GLI3: variants seen among roughly 807,000 people sequenced by gnomAD.
The protein encoded by GLI3 is transcription activator GLI3.
In GLI3, 20 loss-of-function variants were observed where a neutral mutation model predicts 100.8. The observed-to-expected ratio is 0.20, with a 90% CI of 0.14 to 0.29. The LOEUF is 0.29. Among genes scored for constraint, GLI3 ranks in the 10% least tolerant of loss-of-function variants. The pLI is 1.00. For missense variants in GLI3, 2,040 were observed against 2,128.5 expected (o/e 0.96, Z 0.82); for synonymous variants, 938 against 860.5 (o/e 1.09, Z -1.58).
intron 4 of GLI3, among the ~76,000 whole-genome samples, chr7:42,050,670 A>G (rs1270001847): frequency 1.3e-5 from 2 of 152,228 alleles, no homozygotes; most frequent in East Asian, 3.8e-4. Flanking sequence ...GTTTCAAGAA[A>G]GCCATGAGAT....
chr7:41,965,811 C>G lies in GLI3; in HGVS notation c.3262G>C (p.Asp1088His). ...ACGTCGTCCGGCAGGAAATCCTCAT[C>G]GTTCAGGTTGGCATCAGCGTCCATG... ...LTMDADANLN[D>H]EDFLPDDVVQ... Residue 1088 changes from aspartate (D) to histidine (H), a missense_variant, in exon 15 of 15, where the codon GAT becomes CAT. Asp to His is a moderately conservative substitution (Grantham distance 81). This residue lies in a region of GLI3 where 1,041 missense variants were observed against 924.0 expected (regional missense o/e 1.13). Transcript: ENST00000395925. The G allele has an allele frequency of 1.2e-6, 2 of 1,613,384 alleles. No individual in the cohort carries two copies. The highest frequency in any genetic ancestry group is 2.2e-5 in the South Asian group (2 of 91,070).
At chr7:41,967,542 A>T (rs1198782523) in intron 14 of GLI3, 54 bp downstream of exon 14, 5 of 1,285,058 alleles carry the variant, frequency 3.9e-6, no homozygotes, top group Non-Finnish European at 5.6e-6. Flanking sequence ...GCCTGCATTT[A>T]AAAGAACAGA....
At chr7:41,989,861 C>G (rs1787933290) in intron 10 of GLI3, among the ~76,000 whole-genome samples, 1 of 151,410 alleles carries the variant, frequency 6.6e-6, no homozygotes, top group South Asian at 2.1e-4. Flanking sequence ...AGTAAGACCT[C>G]ATTTCTAACA....
intron 6 of GLI3, 45 bp downstream of exon 6, chr7:42,045,339 C>T (rs779165705): frequency 1.3e-6 from 2 of 1,566,596 alleles, no homozygotes; most frequent in African/African-American, 1.3e-5. Context: ...CATAAAGTTG[C>T]CTTTGCCATT....
At chr7:42,202,713 G>C (rs1182136470) in intron 2 of GLI3, among the ~76,000 whole-genome samples, 1 of 152,142 alleles carries the variant, frequency 6.6e-6, no homozygotes, top group Admixed American at 6.5e-5. Flanking sequence ...GTGTCCTCCA[G>C]GCCCCCAGGC....
At chr7:42,177,278 G>T (rs974610944) in intron 2 of GLI3, among the ~76,000 whole-genome samples, 13 of 152,160 alleles carry the variant, frequency 8.5e-5, no homozygotes, top group African/African-American at 3.1e-4. Context: ...GAGTGGGGAG[G>T]AGAGACGGAG....
intron 10 of GLI3, among the ~76,000 whole-genome samples, chr7:41,995,716 G>C (rs558724270): frequency 1.3e-5 from 2 of 152,038 alleles, no homozygotes; most frequent in East Asian, 1.9e-4. Flanking sequence ...AGAAGAGAAG[G>C]GGTGCTGTGT....
At chr7:42,038,413 C>T (rs764010334) in intron 7 of GLI3, among the ~76,000 whole-genome samples, 4 of 152,200 alleles carry the variant, frequency 2.6e-5, no homozygotes, top group Non-Finnish European at 5.9e-5. Context: ...TGCATTCTTC[C>T]TGTATAGAGG....
intron 10 of GLI3, among the ~76,000 whole-genome samples, chr7:42,013,978 AACATC>A: frequency 6.6e-6 from 1 of 152,214 alleles, no homozygotes; most frequent in East Asian, 1.9e-4. Context: ...TATCATGCAG[AACATC>A]CACATCAGCT....
chr7:42,181,586 C>A (rs545068264), intron 2 of GLI3, among the ~76,000 whole-genome samples: 2 of 152,042 alleles, frequency 1.3e-5, no homozygotes, highest in Non-Finnish European at 2.9e-5. Flanking sequence ...GCCTGGGTGC[C>A]AAAGCGAGAC....
intron 2 of GLI3, among the ~76,000 whole-genome samples, chr7:42,191,996 A>G (rs1213276610): frequency 6.6e-6 from 1 of 151,894 alleles, no homozygotes; most frequent in Non-Finnish European, 1.5e-5. Flanking sequence ...AAGACATGCG[A>G]CCCATGCAAA....
In GLI3 at chr7:41,965,219, G is replaced by T; in HGVS notation, c.3854C>A (p.Pro1285His). The change falls in exon 15 of 15, where the codon CCC becomes CAC. Residue 1285 changes from proline (P) to histidine (H), a missense_variant. Pro to His is a moderately conservative substitution (Grantham distance 77). This residue lies in a region of GLI3 where 1,041 missense variants were observed against 924.0 expected (regional missense o/e 1.13). Transcript: ENST00000395925. Reference protein sequence around the residue: ...GIQASKLKSTPMQGSGGQLNF... With the variant: ...GIQASKLKSTHMQGSGGQLNF... ...CAGCTGGCCCCCGCTCCCTTGCATG[G>T]GGGTGCTCTTCAGCTTTGAGGCTTG... 1 of 1,613,946 alleles carries T rather than the reference G, an allele frequency of 6.2e-7. No homozygotes were observed. Among genetic ancestry groups the T allele is most frequent in the Non-Finnish European group, 8.5e-7 (1 of 1,180,024 alleles).
At chr7:42,192,888 G>A (rs1216584626) in intron 2 of GLI3, among the ~76,000 whole-genome samples, 2 of 152,064 alleles carry the variant, frequency 1.3e-5, no homozygotes, top group African/African-American at 2.4e-5. Flanking sequence ...CTCTAATTAC[G>A]TGCAAACAGG....
chr7:42,016,721 T>C (rs1788775370), intron 10 of GLI3, among the ~76,000 whole-genome samples: 1 of 152,070 alleles, frequency 6.6e-6, no homozygotes, highest in South Asian at 2.1e-4. Context: ...ATCATCATCA[T>C]CATCACCACC....
chr7:41,986,525 G>T (rs572843036), intron 10 of GLI3, among the ~76,000 whole-genome samples: 11 of 150,636 alleles, frequency 7.3e-5, no homozygotes, highest in Non-Finnish European at 1.6e-4. Flanking sequence ...AATGAAATAC[G>T]CATACACATT....
intron 10 of GLI3, among the ~76,000 whole-genome samples, chr7:42,016,679 C>T (rs563778528): frequency 2.4e-4 from 37 of 152,188 alleles, no homozygotes; most frequent in African/African-American, 8.9e-4. Context: ...GGTGCTAATT[C>T]TTCTCAAATC....
At chr7:42,212,086 T>A (rs1385359730) in intron 2 of GLI3, among the ~76,000 whole-genome samples, 1 of 152,230 alleles carries the variant, frequency 6.6e-6, no homozygotes, top group Admixed American at 6.5e-5. Flanking sequence ...GAAAGAGACA[T>A]CTCGCTCTTT....
At chr7:42,063,566 CA>C (rs1441365424) in intron 4 of GLI3, among the ~76,000 whole-genome samples, 1 of 152,054 alleles carries the variant, frequency 6.6e-6, no homozygotes, top group Non-Finnish European at 1.5e-5. Context: ...GCCACTTCAC[CA>C]ATAAGCAATT....
intron 4 of GLI3, among the ~76,000 whole-genome samples, chr7:42,055,369 G>A (rs575008758): frequency 6.6e-6 from 1 of 152,226 alleles, no homozygotes; most frequent in African/African-American, 2.4e-5. Context: ...CCTGTGTGGG[G>A]AGTCTCGTCT....
Sources: allele counts gnomAD v4.1 joint callset (sites outside exome capture counted in the v4.1 genomes callset), GRCh38; gene constraint gnomAD v4.1.1; regional missense constraint gnomAD v4.1.1; transcripts MANE v1.5; gene names NCBI Gene and HGNC (gene_info 2026-07-23, HGNC 2026-07-21).